RAB11FIP4: variants seen among roughly 807,000 people sequenced by gnomAD.
The protein encoded by RAB11FIP4 is RAB11 family interacting protein 4, also known as rab11 family-interacting protein 4.
A neutral mutation model predicts 74.3 loss-of-function variants in RAB11FIP4; 23 were observed. The ratio of observed to expected loss-of-function variants is 0.31; its 90% CI spans 0.22 to 0.44. The LOEUF is 0.44. Among genes scored for constraint, RAB11FIP4 ranks in the 20% least tolerant of loss-of-function variants. The probability of loss-of-function intolerance (pLI) is 1.00; values close to 1 mark genes in which losing one functional copy is unlikely to be tolerated. For missense variants in RAB11FIP4, 630 were observed against 863.9 expected, an observed-to-expected ratio of 0.73 and a Z score of 3.39; for synonymous variants, 360 against 359.9, an observed-to-expected ratio of 1.00 and a Z score of 0.00.
At chr17:31,514,601 G>GCT (rs1467749854) in intron 3 of RAB11FIP4, among the ~76,000 whole-genome samples, 2 of 152,246 alleles carry the variant, frequency 1.3e-5, no homozygotes, top group African/African-American at 4.8e-5. Flanking sequence ...AAGTTGCTGA[G>GCT]CTCTCACATG....
At chr17:31,484,863 G>A (rs753558409) in intron 3 of RAB11FIP4, among the ~76,000 whole-genome samples, 8 of 152,298 alleles carry the variant, frequency 5.3e-5, no homozygotes, top group Non-Finnish European at 1.0e-4. Context: ...CCTCACAATA[G>A]TTCTAAAATA....
intron 3 of RAB11FIP4, among the ~76,000 whole-genome samples, chr17:31,469,229 C>T (rs1198674132): frequency 6.6e-6 from 1 of 152,162 alleles, no homozygotes; most frequent in Non-Finnish European, 1.5e-5. Context: ...GTTCTGAGCA[C>T]TGGGGAACCA....
intron 6 of RAB11FIP4, 84 bp downstream of exon 6, chr17:31,522,133 G>A (rs2072679623): frequency 8.3e-6 from 13 of 1,557,748 alleles, no homozygotes; most frequent in South Asian, 3.4e-5. Context: ...ATGGCGAGGC[G>A]ACCCCTGCTG....
At chr17:31,475,709 A>C (rs1212528941) in intron 3 of RAB11FIP4, among the ~76,000 whole-genome samples, 1 of 152,098 alleles carries the variant, frequency 6.6e-6, no homozygotes, top group African/African-American at 2.4e-5. Flanking sequence ...AAACAAGGCG[A>C]CAAGCGGCCT....
rs938442693 is a variant in RAB11FIP4, at chr17:31,512,275, A to G, written c.337-5376A>G. Among the ~76,000 whole-genome samples, 1 of 151,954 alleles carries G rather than the reference A, an allele frequency of 6.6e-6. No homozygotes were observed. Among genetic ancestry groups the G allele is most frequent in the African/African-American group, 2.4e-5 (1 of 41,376 alleles). On this transcript the variant is annotated intron_variant, in intron 3 of 14. Coordinates refer to ENST00000621161, the MANE Select transcript of RAB11FIP4 (RefSeq NM_032932.6). This position sits in a 1 kb window ranked among gnomAD's most constrained non-coding sequence, Gnocchi z 4.1. ...TGTAAATTGTCACGTGTGGCCCCCT[A>G]GAGCTGCCACTGAGGTGGAGTTGAC...
chr17:31,526,379 T>C (rs2072767428), intron 10 of RAB11FIP4: 1 of 152,044 alleles, frequency 6.6e-6, no homozygotes, highest in African/African-American at 2.4e-5. Flanking sequence ...TCGTGTAAAA[T>C]ATCCGAGTGG....
intron 3 of RAB11FIP4, among the ~76,000 whole-genome samples, chr17:31,498,674 C>T (rs574871902): frequency 1.3e-5 from 2 of 152,166 alleles, no homozygotes; most frequent in Non-Finnish European, 2.9e-5. Context: ...GGCTTTGGAC[C>T]GTGGGTCAGC....
chr17:31,446,468 C>T (rs1050798648), intron 3 of RAB11FIP4, among the ~76,000 whole-genome samples: 3 of 152,010 alleles, frequency 2.0e-5, no homozygotes, highest in African/African-American at 4.8e-5. Context: ...GGCCATTGAA[C>T]GTCTGTGCGA....
At chr17:31,524,745 A>T (rs2072732094) in intron 9 of RAB11FIP4, 1 of 322,466 alleles carries the variant, frequency 3.1e-6, no homozygotes, top group Non-Finnish European at 5.8e-6. Flanking sequence ...CTGAATTATT[A>T]ATCAGAGGGG....
chr17:31,430,742 A>T (rs993096982), intron 1 of RAB11FIP4, among the ~76,000 whole-genome samples: 3 of 152,094 alleles, frequency 2.0e-5, no homozygotes, highest in Non-Finnish European at 4.4e-5. Flanking sequence ...ATCCAGTTAG[A>T]CTTGCATGAT....
chr17:31,452,201 G>A (rs1424043921), intron 3 of RAB11FIP4, among the ~76,000 whole-genome samples: 1 of 152,076 alleles, frequency 6.6e-6, no homozygotes, highest in Non-Finnish European at 1.5e-5. Flanking sequence ...TGTAAGCTCC[G>A]TGGGTCCAGG....
At chr17:31,394,056 G>A (rs996222900) in intron 1 of RAB11FIP4, among the ~76,000 whole-genome samples, 1 of 152,028 alleles carries the variant, frequency 6.6e-6, no homozygotes, top group African/African-American at 2.4e-5. Context: ...GCCAAGCCAG[G>A]GATTCTCCAC....
At chr17:31,516,899 C>T (rs1481080264) in intron 3 of RAB11FIP4, among the ~76,000 whole-genome samples, 3 of 151,876 alleles carry the variant, frequency 2.0e-5, no homozygotes, top group East Asian at 1.9e-4. Flanking sequence ...TGGTGTACAC[C>T]CTATGTAAAT....
In RAB11FIP4 at chr17:31,536,511, C is replaced by T. The variant is rs2072966584; in HGVS notation, c.*4779C>T. The T allele has an allele frequency of 6.5e-6, 1 of 153,814 alleles. No individual in the cohort carries two copies. Among genetic ancestry groups the T allele is most frequent in the Non-Finnish European group, 1.4e-5 (1 of 69,252 alleles). The allele number at this position is 153,814 out of a possible 1,614,324, so 9.5% of individuals were successfully genotyped here. A position where few individuals can be genotyped will look rare whatever the true frequency, so the allele number is the denominator to read the frequency against. ...ACTTAGGACTCAGTGCTGGTATCCT[C>T]CACAGTCCTTTCTCCCAGACTCTGG... On this transcript the variant is annotated 3_prime_UTR_variant, in exon 15 of 15. Transcript: ENST00000621161.
intron 3 of RAB11FIP4, among the ~76,000 whole-genome samples, chr17:31,487,365 G>A (rs965715791): frequency 6.6e-6 from 1 of 152,046 alleles, no homozygotes; most frequent in African/African-American, 2.4e-5. Flanking sequence ...AAGATCCTCC[G>A]CCTCGGCCAC....
chr17:31,401,540 TCTGGCTTCC>T (rs926889737), intron 1 of RAB11FIP4, among the ~76,000 whole-genome samples: 5 of 152,210 alleles, frequency 3.3e-5, no homozygotes, highest in Non-Finnish European at 4.4e-5. Context: ...TGTAAGGACC[TCTGGCTTCC>T]CTGGAGACCA....
intron 3 of RAB11FIP4, among the ~76,000 whole-genome samples, chr17:31,453,375 AAAAAAC>A (rs2071545019): frequency 7.4e-6 from 1 of 134,594 alleles, no homozygotes; most frequent in African/African-American, 3.0e-5. Flanking sequence ...AAAAAAAAAA[AAAAAAC>A]AAACCTGGGG....
chr17:31,421,709 C>G (rs1190040693), intron 1 of RAB11FIP4, among the ~76,000 whole-genome samples: 1 of 151,290 alleles, frequency 6.6e-6, no homozygotes, highest in Non-Finnish European at 1.5e-5. Flanking sequence ...AGGTGCCCAC[C>G]ACCACGCCCA....
intron 13 of RAB11FIP4, among the ~76,000 whole-genome samples, chr17:31,529,894 G>A (rs1448932743): frequency 1.3e-5 from 2 of 152,292 alleles, no homozygotes; most frequent in Middle Eastern, 3.4e-3. Context: ...GGGCGGGTCC[G>A]CCTGGGTCAA....
Sources: allele counts gnomAD v4.1 joint callset (sites outside exome capture counted in the v4.1 genomes callset), GRCh38; gene constraint gnomAD v4.1.1; non-coding constraint Gnocchi (gnomAD v3.1); transcripts MANE v1.5; gene names NCBI Gene and HGNC (gene_info 2026-07-23, HGNC 2026-07-21).